Variants in COL4A2 observed in about 807,000 individuals in gnomAD.
COL4A2 encodes the protein collagen type IV alpha 2 chain, also known as collagen alpha-2(IV) chain.
COL4A2 carries 99 observed loss-of-function variants against 200.2 expected under a neutral mutation model. The observed-to-expected ratio is 0.49, with a 90% CI of 0.42 to 0.58. The LOEUF (loss-of-function observed/expected upper bound fraction) is 0.58. COL4A2 is among the 20% of genes least tolerant of loss of function. The probability of loss-of-function intolerance (pLI) is 0.00; values close to 1 mark genes in which losing one functional copy is unlikely to be tolerated. For missense variants in COL4A2, 1,950 were observed against 2,314.1 expected (o/e 0.84, Z 3.23); for synonymous variants, 897 against 900.6 (o/e 1.00, Z 0.07).
rs140608625 is a variant in COL4A2 at position 110,384,534 on chromosome 13, C to T, written c.180+26982C>T. Among the ~76,000 whole-genome samples, 406 of 152,294 alleles carry T rather than the reference C, an allele frequency of 2.7e-3. 1 individual carries two copies. The highest frequency in any genetic ancestry group is 3.7e-3 in the Non-Finnish European group (251 of 68,020). ...CCCCCTGCTCCTCCAACAAGGCCAC[C>T]GTCCAGCTATTAATATTACTCCCAA... On this transcript the variant is annotated intron_variant, in intron 4 of 47. Transcript: ENST00000360467.
intron 4 of COL4A2, among the ~76,000 whole-genome samples, chr13:110,422,271 A>G (rs1880282400): frequency 6.6e-6 from 1 of 152,232 alleles, no homozygotes; most frequent in Non-Finnish European, 1.5e-5. Context: ...ACTGGGAAGG[A>G]TCCACAAAAG....
chr13:110,465,065 C>G (rs749733929), intron 24 of COL4A2, among the ~76,000 whole-genome samples: 17 of 152,270 alleles, frequency 1.1e-4, no homozygotes, highest in Non-Finnish European at 1.5e-4. Context: ...GTGTTTCTTT[C>G]TCCACCCACA....
At position 110,471,349 on chromosome 13, in the gene COL4A2, A is replaced by G. The variant is rs569835913; in HGVS notation, c.2204-1580A>G. Reference sequence around the variant, plus strand: ...AAATGTGAGCCCTTACGTCATGAACAGGGAGGCTGGGGCAGGCTGGGGGTG... The same window carrying G: ...AAATGTGAGCCCTTACGTCATGAACGGGGAGGCTGGGGCAGGCTGGGGGTG... On this transcript the variant is annotated intron_variant, in intron 28 of 47. Transcript: ENST00000360467. 5.3e-5 allele frequency among the ~76,000 whole-genome samples: 8 copies of G among 152,268 alleles called. No individual in the cohort carries two copies. In the South Asian group the frequency reaches 8.3e-4, roughly 16 times the overall value.
chr13:110,363,492 G>A (rs984430775), intron 4 of COL4A2, among the ~76,000 whole-genome samples: 1 of 152,168 alleles, frequency 6.6e-6, no homozygotes, highest in Non-Finnish European at 1.5e-5. Context: ...GCCAAGAGAA[G>A]AGGGAACGAG....
Position 110,450,447 on chromosome 13 carries a change from A to G in COL4A2, c.1332A>G (p.Gly444=), listed in dbSNP as rs1283555342. ...CCCCCGGGCTCCCTGGACCACCTGG[A>G]CCTGATGGTGAGTGGAGGGAAACAA... ...PGPPGLPGPP[G]PDGFLFGLKG... is the part of the protein sequence containing the mutation. The change falls in exon 20 of 48, where the codon GGA becomes GGG. Residue 444 remains glycine (G), a synonymous_variant. Transcript: ENST00000360467. 3 of 1,613,790 alleles carry G rather than the reference A, an allele frequency of 1.9e-6. No homozygotes were observed. The South Asian group carries it at 3.3e-5, about 18-fold the overall frequency.
chr13:110,438,460 C>A, intron 14 of COL4A2, 158 bp from the exon 15 acceptor site: 1 of 962,560 alleles, frequency 1.0e-6, no homozygotes, highest in Non-Finnish European at 1.7e-6. Flanking sequence ...CTCCTAGGAC[C>A]GTGCCCTGCA....
At chr13:110,333,263 T>C (rs1876011478) in intron 3 of COL4A2, among the ~76,000 whole-genome samples, 1 of 152,212 alleles carries the variant, frequency 6.6e-6, no homozygotes, top group Non-Finnish European at 1.5e-5. Flanking sequence ...GGACCACCGC[T>C]TACTCTTTGT....
intron 22 of COL4A2, among the ~76,000 whole-genome samples, chr13:110,461,256 C>G (rs926421543): frequency 1.1e-4 from 17 of 152,216 alleles, no homozygotes; most frequent in African/African-American, 3.6e-4. Context: ...TCCTCCATAC[C>G]TGGATTAACC....
intron 4 of COL4A2, among the ~76,000 whole-genome samples, chr13:110,399,013 G>C (rs1340547819): frequency 6.6e-6 from 1 of 151,948 alleles, no homozygotes; most frequent in Non-Finnish European, 1.5e-5. Context: ...TTTTTTTATT[G>C]GCAGGAAAAC....
At chr13:110,465,885 T>G (rs1159956473) in intron 25 of COL4A2, 118 bp from the exon 26 acceptor site, 15 of 1,285,868 alleles carry the variant, frequency 1.2e-5, no homozygotes, top group Non-Finnish European at 1.5e-5. Flanking sequence ...TTCAAAGCCT[T>G]CCTGCCCCCA....
At chr13:110,330,989 A>G (rs1307646993) in intron 3 of COL4A2, among the ~76,000 whole-genome samples, 1 of 152,030 alleles carries the variant, frequency 6.6e-6, no homozygotes, top group Non-Finnish European at 1.5e-5. Flanking sequence ...ACTACTCATG[A>G]AATTGCTGTT....
chr13:110,395,668 G>A (rs990914756), intron 4 of COL4A2, among the ~76,000 whole-genome samples: 1 of 152,186 alleles, frequency 6.6e-6, no homozygotes, highest in Non-Finnish European at 1.5e-5. Flanking sequence ...TTTCTGGCAG[G>A]GCGCAGTGGC....
chr13:110,381,778 C>G (rs868680365), intron 4 of COL4A2, among the ~76,000 whole-genome samples: 4 of 152,314 alleles, frequency 2.6e-5, no homozygotes, highest in Middle Eastern at 3.4e-3. Context: ...AGTGTGTAAA[C>G]CACACAGCCA....
chr13:110,331,350 C>T (rs1035343843), intron 3 of COL4A2, among the ~76,000 whole-genome samples: 1 of 152,226 alleles, frequency 6.6e-6, no homozygotes, highest in African/African-American at 2.4e-5. Context: ...TCCTTTTACT[C>T]ATCTCAGATG....
chr13:110,495,472 G>A lies in COL4A2; in HGVS notation c.3760+5G>A, dbSNP rs1883426997. The A allele has an allele frequency of 6.2e-7, 1 of 1,610,506 alleles. No homozygotes were observed. The highest frequency in any genetic ancestry group is 1.7e-5 in the Admixed American group (1 of 59,202). ...AAGGAGACCAAGGAGCTCCAGGTGA[G>A]GCCACACATTCCAAGCCAACATTGC... On this transcript the variant is annotated splice_donor_5th_base_variant and intron_variant, in intron 40 of 47. Coordinates refer to ENST00000360467, the MANE Select transcript of COL4A2 (RefSeq NM_001846.4).
intron 3 of COL4A2, among the ~76,000 whole-genome samples, chr13:110,337,941 C>T (rs1266356087): frequency 6.6e-6 from 1 of 152,078 alleles, no homozygotes; most frequent in Non-Finnish European, 1.5e-5. Flanking sequence ...AGCATGATGC[C>T]AAGGGCTTGA....
chr13:110,364,560 T>C (rs1877660702), intron 4 of COL4A2, among the ~76,000 whole-genome samples: 1 of 152,232 alleles, frequency 6.6e-6, no homozygotes, highest in South Asian at 2.1e-4. Context: ...AAGAGAATGG[T>C]TAAATCTCGC....
intron 3 of COL4A2, among the ~76,000 whole-genome samples, chr13:110,324,950 C>G (rs1253814017): frequency 6.6e-6 from 1 of 152,170 alleles, no homozygotes; most frequent in Non-Finnish European, 1.5e-5. Flanking sequence ...TTACAAAGCT[C>G]TTTATCTTTT....
chr13:110,355,388 G>T (rs1260473756), intron 3 of COL4A2, among the ~76,000 whole-genome samples: 108 of 106,986 alleles, frequency 1.0e-3, no homozygotes, highest in South Asian at 2.6e-3. Flanking sequence ...CCTGTGTGGG[G>T]GGAGGGCTGC....
Sources: gnomAD v4.1 joint callset for allele counts (sites outside exome capture counted in the v4.1 genomes callset) on GRCh38, gnomAD v4.1.1 for gene constraint, MANE v1.5 for transcripts, NCBI Gene and HGNC (gene_info 2026-07-23, HGNC 2026-07-21) for gene names.